CD101: variants seen among roughly 807,000 people sequenced by gnomAD.
CD101 encodes the protein immunoglobulin superfamily member 2.
A neutral mutation model predicts 98.2 loss-of-function variants in CD101; 76 were observed. The ratio of observed to expected loss-of-function variants is 0.77; its 90% CI spans 0.64 to 0.94. The LOEUF is 0.94. CD101 is among the 40% of genes least tolerant of loss of function. The probability of loss-of-function intolerance (pLI) is 0.00; values close to 1 mark genes in which losing one functional copy is unlikely to be tolerated. For missense variants in CD101, 1,145 were observed against 1,218.8 expected, an observed-to-expected ratio of 0.94 and a Z score of 0.90; for synonymous variants, 471 against 472.7, an observed-to-expected ratio of 1.00 and a Z score of 0.05.
rs374594221 is a variant in CD101, at chr1:117,018,281, C to A, written c.1738C>A (p.Gln580Lys). The A allele has an allele frequency of 1.2e-6, 2 of 1,614,074 alleles. No individual in the cohort carries two copies. Among genetic ancestry groups the A allele is most frequent in the African/African-American group, 2.7e-5 (2 of 74,932 alleles). Residue 580 changes from glutamine to lysine, a missense_variant, in exon 6 of 10, where the codon CAG becomes AAG. By Grantham distance (53) the Gln-to-Lys change is moderately conservative. Transcript: ENST00000682167. This position sits in a 1 kb window ranked among gnomAD's most constrained non-coding sequence, Gnocchi z 4.3. The part of the protein sequence containing the change: ...DLKVPLTVTW[Q>K]FQPASSHIFH... ...CAAGGTGCCACTCACTGTGACGTGG[C>A]AGTTCCAGCCAGCTAGCTCTCACAT...
At position 117,019,148 on chromosome 1, in the gene CD101, T is replaced by C. The variant is rs1653422916; in HGVS notation, c.2017+588T>C. 6.6e-6 allele frequency among the ~76,000 whole-genome samples: 1 copy of C among 152,200 alleles called. No homozygotes were observed. Among genetic ancestry groups the C allele is most frequent in the African/African-American group, 2.4e-5 (1 of 41,454 alleles). On this transcript the variant is annotated intron_variant, in intron 6 of 9. Transcript: ENST00000682167. The surrounding 1 kb of genome is among the most constrained non-coding windows in gnomAD (Gnocchi z 4.3). ...TCTGCTGTGTCATGTATCTTCTCTC[T>C]TATAGTTTGCATTCTCTTAGGAAGA...
rs747853311 is a variant in CD101 at position 117,013,785 on chromosome 1, G to A, written c.1221G>A (p.Lys407=). The stretch of plus-strand genomic sequence containing the variant: ...CAGACAGCCACGTGCACCTGAGGAA[G>A]CCAGCAGGTACGTAAAGTCAAGGCC... ...QSPDSHVHLR[K]PAARSVVMST... Residue 407 remains lysine, a synonymous_variant, in exon 4 of 10, where the codon AAG becomes AAA. Transcript: ENST00000682167. 6.2e-7 allele frequency: 1 copy of A among 1,610,076 alleles called. No homozygotes were observed. The highest frequency in any genetic ancestry group is 8.5e-7 in the Non-Finnish European group (1 of 1,178,624).
chr1:117,034,337 T>C, intron 9 of CD101: 1 of 538,650 alleles, frequency 1.9e-6, no homozygotes, highest in Non-Finnish European at 3.3e-6. Flanking sequence ...ATAGCATCAT[T>C]ACCCTACATC....
In CD101 at chr1:117,013,895, G is replaced by A; in HGVS notation, c.1228+103G>A. 3 of 1,298,470 alleles carry A rather than the reference G, an allele frequency of 2.3e-6. No homozygotes were observed. In the South Asian group the frequency reaches 4.7e-5, roughly 20 times the overall value. The allele number at this position is 1,298,470 out of a possible 1,614,324, so 80.4% of individuals were successfully genotyped here. On this transcript the variant is annotated intron_variant, in intron 4 of 9. Coordinates refer to ENST00000682167, the MANE Select transcript of CD101 (RefSeq NM_001256106.3). ...ACAATGGGGATCTTCATGAAGAGCA[G>A]GTTTCAATCAGATCACATTGGAGGT...
At position 117,019,015 on chromosome 1, in the gene CD101, G is replaced by A. The variant is rs1653416690; in HGVS notation, c.2017+455G>A. On this transcript the variant is annotated intron_variant, in intron 6 of 9. Coordinates refer to ENST00000682167, the MANE Select transcript of CD101 (RefSeq NM_001256106.3). This position sits in a 1 kb window ranked among gnomAD's most constrained non-coding sequence, Gnocchi z 4.3. ...ACATCCACCTACTTCTTTGTAAGGT[G>A]TTAATGTATAAGAGTCAGAGAATTT... Among the ~76,000 whole-genome samples the A allele has an allele frequency of 6.6e-6, 1 of 152,216 alleles. No individual in the cohort carries two copies. The highest frequency in any genetic ancestry group is 2.1e-4 in the South Asian group (1 of 4,834).
At position 117,011,880 on chromosome 1, in the gene CD101, C is replaced by A. The variant is rs150553337; in HGVS notation, c.755C>A (p.Thr252Lys). The A allele has an allele frequency of 1.2e-5, 20 of 1,613,974 alleles. No homozygotes were observed. In the South Asian group the frequency reaches 2.1e-4, roughly 17 times the overall value. ...CAGGGTCAGCTGTTCTGTGAGGCAA[C>A]GGAATGGATTCAGGATCCAGATGAA... ...SDQGQLFCEA[T>K]EWIQDPDETW... is the part of the protein sequence containing the mutation. Residue 252 changes from threonine (T) to lysine (K), a missense_variant, in exon 3 of 10, where the codon ACG (threonine) becomes AAG (lysine). Coordinates refer to ENST00000682167, the MANE Select transcript of CD101 (RefSeq NM_001256106.3).
Position 117,036,350 on chromosome 1 carries a change from T to G in CD101, c.*216T>G, listed in dbSNP as rs1489524795. The G allele has an allele frequency of 2.0e-5, 3 of 152,250 alleles. No homozygotes were observed. The highest frequency in any genetic ancestry group is 4.4e-5 in the Non-Finnish European group (3 of 68,158). The allele number at this position is 152,250 out of a possible 1,614,324, so 9.4% of individuals were successfully genotyped here. The stretch of plus-strand genomic sequence containing the variant: ...AGCTTCATGACCGTAACATGTGACC[T>G]GTGTGCTGGCAGGACGACTCACTGC... On this transcript the variant is annotated 3_prime_UTR_variant, in exon 10 of 10. Transcript: ENST00000682167. The surrounding 1 kb of genome is among the most constrained non-coding windows in gnomAD (Gnocchi z 5.0).
At chr1:117,031,739 C>G (rs1654479690) in intron 8 of CD101, among the ~76,000 whole-genome samples, 1 of 152,186 alleles carries the variant, frequency 6.6e-6, no homozygotes, top group African/African-American at 2.4e-5. Context: ...CTCATCACAA[C>G]TCTAGAAATT....
In CD101 at chr1:117,019,837, C is replaced by T. The variant is rs1359761597; in HGVS notation, c.2017+1277C>T. Among the ~76,000 whole-genome samples, 8 of 152,216 alleles carry T rather than the reference C, an allele frequency of 5.3e-5. No homozygotes were observed. On this transcript the variant is annotated intron_variant, in intron 6 of 9. Coordinates refer to ENST00000682167, the MANE Select transcript of CD101 (RefSeq NM_001256106.3). The surrounding 1 kb of genome is among the most constrained non-coding windows in gnomAD (Gnocchi z 4.3). ...TTATGTCCCCACTCCTCACCAGTGA[C>T]CCAAGTTGAAAACCTGAGTCATCAC...
In CD101 at chr1:117,006,140, G is replaced by T. The variant is rs1652514504; in HGVS notation, c.44-3710G>T. On this transcript the variant is annotated intron_variant, in intron 1 of 9. Transcript: ENST00000682167. This position sits in a 1 kb window ranked among gnomAD's most constrained non-coding sequence, Gnocchi z 4.4. ...AGTCAGAGTATCAATATTCTCCCAGGCAGCCTTATCAAACCTATGATCTTT... is the reference window on the plus strand; with the variant it reads ...AGTCAGAGTATCAATATTCTCCCAGTCAGCCTTATCAAACCTATGATCTTT... Among the ~76,000 whole-genome samples the T allele has an allele frequency of 6.6e-6, 1 of 151,774 alleles. No individual in the cohort carries two copies. The highest frequency in any genetic ancestry group is 6.6e-5 in the Admixed American group (1 of 15,252).
intron 9 of CD101, among the ~76,000 whole-genome samples, chr1:117,035,320 T>A (rs1364761479): frequency 6.6e-6 from 1 of 152,212 alleles, no homozygotes; most frequent in African/African-American, 2.4e-5. Flanking sequence ...TAGTTTTAAT[T>A]ATTTGATCAG....
Position 117,008,700 on chromosome 1 carries a change from A to G in CD101, c.44-1150A>G, listed in dbSNP as rs531425065. On this transcript the variant is annotated intron_variant, in intron 1 of 9. Coordinates refer to ENST00000682167, the MANE Select transcript of CD101 (RefSeq NM_001256106.3). Reference sequence around the variant, plus strand: ...ACTCAGCCTTATCATGTTCTCTGTAATGTCCTTTTTCCTTTCCCTCACTTT... The same window carrying G: ...ACTCAGCCTTATCATGTTCTCTGTAGTGTCCTTTTTCCTTTCCCTCACTTT... Among the ~76,000 whole-genome samples, 3 of 151,908 alleles carry G rather than the reference A, an allele frequency of 2.0e-5. 1 individual carries two copies. In the South Asian group the frequency reaches 6.3e-4, roughly 32 times the overall value.
At position 117,017,433 on chromosome 1, in the gene CD101, G is replaced by C. The variant is rs1447824275; in HGVS notation, c.1572G>C (p.Leu524=). ...SEKSRNQARD[L]SWTQKISVTV... is the part of the protein sequence containing the mutation. ...AGTCTCGGAACCAGGCCAGAGATCTGAGCTGGACTCAGAAGATTTCAGTTA... is the reference window on the plus strand; with the variant it reads ...AGTCTCGGAACCAGGCCAGAGATCTCAGCTGGACTCAGAAGATTTCAGTTA... The change falls in exon 5 of 10, where the codon CTG becomes CTC. Residue 524 remains leucine (L), a synonymous_variant. Coordinates refer to ENST00000682167, the MANE Select transcript of CD101 (RefSeq NM_001256106.3). The C allele has an allele frequency of 1.9e-6, 3 of 1,613,668 alleles. No individual in the cohort carries two copies. The African/African-American group carries it at 4.0e-5, about 22-fold the overall frequency.
At chr1:117,020,001 C>T (rs764721375) in intron 6 of CD101, among the ~76,000 whole-genome samples, 6 of 152,136 alleles carry the variant, frequency 3.9e-5, no homozygotes, top group Non-Finnish European at 7.3e-5. Context: ...CACTGAATTA[C>T]TGGCAGCTCC....
chr1:117,021,450 C>G lies in CD101; in HGVS notation c.2018-123C>G, dbSNP rs1371057572. The G allele has an allele frequency of 1.3e-6, 1 of 757,406 alleles. No individual in the cohort carries two copies. The highest frequency in any genetic ancestry group is 2.1e-6 in the Non-Finnish European group (1 of 483,248). The allele number at this position is 757,406 out of a possible 1,614,324, so 46.9% of individuals were successfully genotyped here. A position where few individuals can be genotyped will look rare whatever the true frequency, so the allele number is the denominator to read the frequency against. ...GCTGTATGAGCAGTGAGTGGGGCTA[C>G]TGTAGAGGGAGTTCACCCATATGAT... On this transcript the variant is annotated intron_variant, in intron 6 of 9. Coordinates refer to ENST00000682167, the MANE Select transcript of CD101 (RefSeq NM_001256106.3). This position sits in a 1 kb window ranked among gnomAD's most constrained non-coding sequence, Gnocchi z 4.7.
rs567947990 is a variant in CD101 at position 117,033,774 on chromosome 1, T to G, written c.2825-86T>G. 6.2e-5 allele frequency: 97 copies of G among 1,566,338 alleles called. 1 individual carries two copies. The African/African-American group carries it at 1.1e-3, about 18-fold the overall frequency. On this transcript the variant is annotated intron_variant, in intron 8 of 9. Coordinates refer to ENST00000682167, the MANE Select transcript of CD101 (RefSeq NM_001256106.3). This position sits in a 1 kb window ranked among gnomAD's most constrained non-coding sequence, Gnocchi z 4.8. ...CATTATTTTTACATATACTTGCCTA[T>G]AACAATAAATCCCAGGAGTGTTTGT... is the stretch of plus-strand genomic sequence containing the variant.
At position 117,033,903 on chromosome 1, in the gene CD101, C is replaced by G. The variant is rs1654628075; in HGVS notation, c.2868C>G (p.Leu956=). The G allele has an allele frequency of 2.5e-6, 4 of 1,614,054 alleles. No individual in the cohort carries two copies. The highest frequency in any genetic ancestry group is 2.7e-5 in the African/African-American group (2 of 74,914). ...PSRICSSAPL[L]YFLFICPFVL... The stretch of plus-strand genomic sequence containing the variant: ...GGATCTGCTCCTCGGCCCCTTTACT[C>G]TATTTCCTGTTCATCTGTCCCTTCG... The change falls in exon 9 of 10, where the codon CTC becomes CTG. Residue 956 remains leucine, a synonymous_variant. Coordinates refer to ENST00000682167, the MANE Select transcript of CD101 (RefSeq NM_001256106.3). The surrounding 1 kb of genome is among the most constrained non-coding windows in gnomAD (Gnocchi z 4.8).
At chr1:117,029,186 A>AGAAG (rs1557778713) in intron 8 of CD101, among the ~76,000 whole-genome samples, 21 of 94,178 alleles carry the variant, frequency 2.2e-4, no homozygotes, top group East Asian at 5.5e-4. Context: ...AAAGAAAGAA[A>AGAAG]GAAAGAAAGA....
At position 117,018,587 on chromosome 1, in the gene CD101, G is replaced by T; in HGVS notation, c.2017+27G>T. On this transcript the variant is annotated intron_variant, in intron 6 of 9. Transcript: ENST00000682167. This position sits in a 1 kb window ranked among gnomAD's most constrained non-coding sequence, Gnocchi z 4.3. ...TAAGTGTGACTTGAAATTAATCCCT[G>T]TTTTAAAAACAAACAAATAGCAATC... 6.5e-7 allele frequency: 1 copy of T among 1,537,768 alleles called. No individual in the cohort carries two copies. The highest frequency in any genetic ancestry group is 8.7e-7 in the Non-Finnish European group (1 of 1,143,202).
Sources: allele counts gnomAD v4.1 joint callset (sites outside exome capture counted in the v4.1 genomes callset), GRCh38; gene constraint gnomAD v4.1.1; non-coding constraint Gnocchi (gnomAD v3.1); transcripts MANE v1.5; gene names NCBI Gene and HGNC (gene_info 2026-07-23, HGNC 2026-07-21).